ALDH1L1: variants seen among roughly 807,000 people sequenced by gnomAD.
ALDH1L1 encodes the protein cytosolic 10-formyltetrahydrofolate dehydrogenase.
Under a neutral mutation model 101.1 loss-of-function variants are expected in ALDH1L1, and 68 were observed. The ratio of observed to expected loss-of-function variants is 0.67; its 90% CI spans 0.55 to 0.82. ALDH1L1 has a LOEUF of 0.82. ALDH1L1 is among the 40% of genes least tolerant of loss of function. The pLI is 0.00. For synonymous variants in ALDH1L1, 486 were observed against 470.8 expected (o/e 1.03, Z -0.42); for missense variants, 1,087 against 1,172.7 (o/e 0.93, Z 1.07).
At chr3:126,139,367 A>G (rs1042060092) in intron 9 of ALDH1L1, among the ~76,000 whole-genome samples, 2 of 152,244 alleles carry the variant, frequency 1.3e-5, no homozygotes, top group African/African-American at 2.4e-5. Context: ...TAATTTGGAA[A>G]AGTCACAAAC....
intron 1 of ALDH1L1, among the ~76,000 whole-genome samples, chr3:126,192,019 G>A (rs537226438): frequency 3.3e-5 from 5 of 152,196 alleles, no homozygotes; most frequent in South Asian, 4.1e-4. Flanking sequence ...AGTAAAAAGC[G>A]AACAAATACT....
chr3:126,184,937 G>A (rs775546877), upstream of ALDH1L1, among the ~76,000 whole-genome samples: 12 of 152,026 alleles, frequency 7.9e-5, no homozygotes, highest in Admixed American at 2.6e-4. Context: ...AGGATGCCTC[G>A]TTCAGATGCT....
At chr3:126,146,297 G>A (rs1254912575) in intron 9 of ALDH1L1, among the ~76,000 whole-genome samples, 5 of 151,926 alleles carry the variant, frequency 3.3e-5, no homozygotes, top group Non-Finnish European at 7.4e-5. Context: ...CTGGGCTCCC[G>A]CTCTCCCTCC....
At chr3:126,172,762 C>CA (rs1207960564) in intron 1 of ALDH1L1, among the ~76,000 whole-genome samples, 1 of 151,696 alleles carries the variant, frequency 6.6e-6, no homozygotes. Flanking sequence ...GATCACCCCC[C>CA]ACCCCCCAAA....
intron 6 of ALDH1L1, among the ~76,000 whole-genome samples, chr3:126,153,988 C>T (rs2080857587): frequency 1.3e-5 from 2 of 152,226 alleles, no homozygotes; most frequent in Admixed American, 1.3e-4. Flanking sequence ...TTGATGAGGA[C>T]AGCAGAGAGG....
intron 9 of ALDH1L1, among the ~76,000 whole-genome samples, chr3:126,141,136 TTAAATC>T (rs879900202): frequency 2.0e-4 from 30 of 152,000 alleles, no homozygotes; most frequent in Admixed American, 1.6e-3. Flanking sequence ...AAAAGAGACT[TTAAATC>T]TAACAAGTTT....
intron 16 of ALDH1L1, among the ~76,000 whole-genome samples, chr3:126,121,298 G>A (rs1373483120): frequency 4.6e-5 from 7 of 152,152 alleles, no homozygotes; most frequent in Admixed American, 6.5e-5. Context: ...TATGCCACTC[G>A]GTTTGCAGTG....
At chr3:126,151,255 C>T (rs1298377778) in intron 7 of ALDH1L1, 1 of 152,208 alleles carries the variant, frequency 6.6e-6, no homozygotes, top group East Asian at 1.9e-4. Flanking sequence ...AGAACTGCCA[C>T]AGAAACACCT....
chr3:126,179,956 T>C (rs1248798544), intron 1 of ALDH1L1: 1 of 152,146 alleles, frequency 6.6e-6, no homozygotes, highest in Non-Finnish European at 1.5e-5. Context: ...CCCTGAGCGC[T>C]CACGTCGACC....
At chr3:126,131,297 T>A in intron 13 of ALDH1L1, 87 bp downstream of exon 13, 10 of 1,417,080 alleles carry the variant, frequency 7.1e-6, no homozygotes, top group Non-Finnish European at 9.5e-6. Context: ...CTGCGCAGCA[T>A]GCAGATGACT....
At chr3:126,178,631 TAAG>T in intron 1 of ALDH1L1, among the ~76,000 whole-genome samples, 1 of 152,204 alleles carries the variant, frequency 6.6e-6, no homozygotes, top group South Asian at 2.1e-4. Flanking sequence ...AAATCAAATA[TAAG>T]AAGAAAACAT....
chr3:126,105,553 A>G (rs898412044), intron 22 of ALDH1L1, 173 bp downstream of exon 22: 3 of 746,074 alleles, frequency 4.0e-6, no homozygotes, highest in Non-Finnish European at 7.0e-6. Flanking sequence ...CTCTGCAAGC[A>G]TCTTGCTCAC....
intron 21 of ALDH1L1, 70 bp downstream of exon 21, chr3:126,107,070 AG>A: frequency 7.1e-7 from 1 of 1,404,196 alleles, no homozygotes. Flanking sequence ...TACCTCCCAA[AG>A]CCCACATGAA....
chr3:126,155,303 C>T (rs2108289303), intron 5 of ALDH1L1, 99 bp downstream of exon 5: 2 of 1,051,184 alleles, frequency 1.9e-6, no homozygotes, highest in Non-Finnish European at 1.4e-6. Flanking sequence ...GAATTACAAC[C>T]TGCACCATCT....
intron 14 of ALDH1L1, chr3:126,129,660 G>T: frequency 6.6e-6 from 1 of 152,492 alleles, no homozygotes. Context: ...CAGGACTGGG[G>T]CCAAATCAGG....
At chr3:126,109,246 C>T (rs907303278) in intron 20 of ALDH1L1, among the ~76,000 whole-genome samples, 1 of 152,184 alleles carries the variant, frequency 6.6e-6, no homozygotes, top group Non-Finnish European at 1.5e-5. Flanking sequence ...GGCACCTGTC[C>T]CCCAGCAGCA....
intron 1 of ALDH1L1, among the ~76,000 whole-genome samples, chr3:126,195,088 G>T (rs2081574896): frequency 1.3e-5 from 2 of 151,416 alleles, no homozygotes; most frequent in South Asian, 4.2e-4. Flanking sequence ...GCATAGCCAA[G>T]ATGCATGGCT....
chr3:126,113,950 C>A (rs1380864610), intron 18 of ALDH1L1, among the ~76,000 whole-genome samples: 13 of 152,204 alleles, frequency 8.5e-5, no homozygotes, highest in Admixed American at 5.2e-4. Flanking sequence ...CAGGTGGGAG[C>A]ACAGACGCCA....
intron 16 of ALDH1L1, among the ~76,000 whole-genome samples, chr3:126,119,284 G>A (rs1447209445): frequency 3.3e-5 from 5 of 152,144 alleles, no homozygotes; most frequent in Non-Finnish European, 5.9e-5. Context: ...TCACTCCTCT[G>A]CCTGCTTGGC....
Sources: gnomAD v4.1 joint callset for allele counts (sites outside exome capture counted in the v4.1 genomes callset) on GRCh38, gnomAD v4.1.1 for gene constraint, MANE v1.5 for transcripts, NCBI Gene and HGNC (gene_info 2026-07-23, HGNC 2026-07-21) for gene names.